Variants in PUM2 observed in about 807,000 individuals in gnomAD.
PUM2 encodes pumilio homolog 2.
A neutral mutation model predicts 124.5 loss-of-function variants in PUM2; 57 were observed. The ratio of observed to expected loss-of-function variants is 0.46; its 90% CI spans 0.37 to 0.57. The LOEUF (loss-of-function observed/expected upper bound fraction) is 0.57. Ranked by LOEUF, PUM2 falls within the 20% of genes least tolerant of loss-of-function variation. The probability of loss-of-function intolerance (pLI) is 0.00; values close to 1 mark genes in which losing one functional copy is unlikely to be tolerated. For missense variants in PUM2, 1,065 were observed against 1,290.6 expected (o/e 0.83, Z 2.68); for synonymous variants, 460 against 446.1 (o/e 1.03, Z -0.39).
chr2:20,337,473 T>G (rs1165133942), intron 1 of PUM2, among the ~76,000 whole-genome samples: 2 of 152,200 alleles, frequency 1.3e-5, no homozygotes. Flanking sequence ...TCACAATACT[T>G]ACTATTCTCT....
rs1339183455 is a variant in PUM2, at chr2:20,253,881, C to T, written c.3004G>A (p.Val1002Met). ...TMMKDQYANY[V>M]VQKMIDMAEP... Reference sequence around the variant, plus strand: ...GCCATATCAATCATCTTTTGAACCACGTAATTGGCATACTGGTCCTTCATC... The same window carrying T: ...GCCATATCAATCATCTTTTGAACCATGTAATTGGCATACTGGTCCTTCATC... The change falls in exon 20 of 21, where the codon GTG (valine) becomes ATG (methionine). Residue 1002 changes from valine to methionine, a missense_variant. Physicochemically the swap from Val to Met is conservative, Grantham distance 21. Coordinates refer to ENST00000361078, the MANE Select transcript of PUM2 (RefSeq NM_015317.5). The T allele has an allele frequency of 3.1e-6, 5 of 1,613,854 alleles. No homozygotes were observed. The highest frequency in any genetic ancestry group is 1.7e-5 in the Admixed American group (1 of 59,998).
intron 15 of PUM2, among the ~76,000 whole-genome samples, chr2:20,258,650 CTTTT>C (rs1057217780): frequency 4.3e-5 from 4 of 93,858 alleles, no homozygotes; most frequent in East Asian, 3.4e-4. Flanking sequence ...AACCCTTCAT[CTTTT>C]TTTTTTTTTT....
chr2:20,289,067 T>G (rs553580126), intron 10 of PUM2, among the ~76,000 whole-genome samples: 1 of 151,630 alleles, frequency 6.6e-6, no homozygotes, highest in Middle Eastern at 3.4e-3. Flanking sequence ...CCAAGGTGGG[T>G]GGATCATGAG....
intron 5 of PUM2, among the ~76,000 whole-genome samples, chr2:20,310,703 T>C (rs147662221): frequency 0.01 from 1,559 of 152,036 alleles, 23 homozygotes; most frequent in African/African-American, 0.035. Flanking sequence ...CCACCCACCA[T>C]ATACCTAATA....
chr2:20,279,314 A>G (rs549843742), intron 12 of PUM2, among the ~76,000 whole-genome samples: 1 of 152,294 alleles, frequency 6.6e-6, no homozygotes, highest in East Asian at 1.9e-4. Context: ...TGTTCAAAAC[A>G]TAGCCCTTTA....
Position 20,297,592 on chromosome 2 carries a change from A to T in PUM2, c.970T>A (p.Tyr324Asn). The T allele has an allele frequency of 6.2e-7, 1 of 1,613,224 alleles. No homozygotes were observed. The highest frequency in any genetic ancestry group is 8.5e-7 in the Non-Finnish European group (1 of 1,179,304). ...GCTGCAGCCAATCCTGCTGCAGTATACGGATCGGTCCCTGGAGGAGCAGCA... is the reference window on the plus strand; with the variant it reads ...GCTGCAGCCAATCCTGCTGCAGTATTCGGATCGGTCCCTGGAGGAGCAGCA... ...ISAAPPGTDP[Y>N]TAAGLAAAAT... Residue 324 changes from tyrosine to asparagine, a missense_variant, in exon 8 of 21, where the codon TAT (tyrosine) becomes AAT (asparagine). Around this residue, in one of 3 missense-constraint regions of PUM2, gnomAD observed 968 missense variants for 1,159.8 expected, o/e 0.83. Coordinates refer to ENST00000361078, the MANE Select transcript of PUM2 (RefSeq NM_015317.5).
chr2:20,311,790 G>T, intron 4 of PUM2, 127 bp from the exon 5 acceptor site: 2 of 1,081,322 alleles, frequency 1.8e-6, no homozygotes, highest in East Asian at 2.8e-5. Context: ...ATTTAATTTC[G>T]TAGTCAATTA....
chr2:20,308,689 G>T, intron 5 of PUM2, 105 bp from the exon 6 acceptor site: 1 of 1,140,346 alleles, frequency 8.8e-7, no homozygotes, highest in Non-Finnish European at 1.2e-6. Flanking sequence ...AAAACACAAT[G>T]AATAAGGCAT....
intron 5 of PUM2, among the ~76,000 whole-genome samples, chr2:20,308,927 G>C (rs1335578854): frequency 6.6e-6 from 1 of 152,112 alleles, no homozygotes; most frequent in Non-Finnish European, 1.5e-5. Context: ...ACAAAGAACA[G>C]TGTATTAACA....
At chr2:20,272,462 C>A (rs1240270298) in intron 13 of PUM2, among the ~76,000 whole-genome samples, 1 of 152,170 alleles carries the variant, frequency 6.6e-6, no homozygotes, top group Non-Finnish European at 1.5e-5. Context: ...ACTGGAGTGG[C>A]AACTTGGTCA....
chr2:20,293,244 C>T (rs946810245), intron 9 of PUM2, among the ~76,000 whole-genome samples: 4 of 152,182 alleles, frequency 2.6e-5, no homozygotes, highest in African/African-American at 4.8e-5. Context: ...AAGTGGGAGT[C>T]GTAAGTCCTT....
rs538322228 is a variant in PUM2, at chr2:20,256,895, C to A, written c.2485-725G>T. 7.5e-4 allele frequency among the ~76,000 whole-genome samples: 114 copies of A among 151,680 alleles called. 1 individual carries two copies. Among genetic ancestry groups the A allele is most frequent in the African/African-American group, 2.7e-3 (112 of 41,370 alleles). ...CGATTACTACCAAAAATACAAAAAA[C>A]TAGCCAGACGTGGTGGCGCATGTCT... is the stretch of plus-strand genomic sequence containing the variant. On this transcript the variant is annotated intron_variant, in intron 16 of 20. Coordinates refer to ENST00000361078, the MANE Select transcript of PUM2 (RefSeq NM_015317.5).
At chr2:20,254,141 T>C (rs538973251) in intron 19 of PUM2, 127 bp from the exon 20 acceptor site, 2 of 807,098 alleles carry the variant, frequency 2.5e-6, no homozygotes, top group Non-Finnish European at 3.8e-6. Context: ...TCTCTTGTCT[T>C]ATGATTACTT....
chr2:20,316,758 C>T (rs1047722799), intron 3 of PUM2, among the ~76,000 whole-genome samples: 1 of 152,116 alleles, frequency 6.6e-6, no homozygotes, highest in Non-Finnish European at 1.5e-5. Context: ...CACGGCCAGG[C>T]ATGGTGGCTC....
chr2:20,261,622 G>A (rs181780093), intron 14 of PUM2, among the ~76,000 whole-genome samples: 2 of 151,770 alleles, frequency 1.3e-5, no homozygotes, highest in Non-Finnish European at 2.9e-5. Flanking sequence ...CAGCTCCATA[G>A]GTGTTGCTGC....
intron 7 of PUM2, among the ~76,000 whole-genome samples, chr2:20,304,426 T>G (rs1300971463): frequency 1.3e-5 from 2 of 152,256 alleles, no homozygotes; most frequent in Admixed American, 6.5e-5. Context: ...AGAATAGTTT[T>G]AATATTTTTA....
chr2:20,329,761 C>T (rs1684503049), intron 1 of PUM2, among the ~76,000 whole-genome samples: 2 of 152,138 alleles, frequency 1.3e-5, no homozygotes. Flanking sequence ...ATGTTAAGTG[C>T]TCAAGTGCCT....
At chr2:20,349,517 TG>T (rs1428633698) in intron 1 of PUM2, among the ~76,000 whole-genome samples, 9 of 150,628 alleles carry the variant, frequency 6.0e-5, no homozygotes, top group Non-Finnish European at 1.0e-4. Context: ...TACTCATTTT[TG>T]TTTTTTTTTT....
chr2:20,264,326 C>T (rs1453269829), intron 13 of PUM2, among the ~76,000 whole-genome samples: 1 of 82,460 alleles, frequency 1.2e-5, no homozygotes, highest in Non-Finnish European at 2.1e-5. Flanking sequence ...GACACAGCAA[C>T]ACTCTGTCTC....
Sources: gnomAD v4.1 joint callset for allele counts (sites outside exome capture counted in the v4.1 genomes callset) on GRCh38, gnomAD v4.1.1 for gene constraint, gnomAD v4.1.1 regional missense constraint, MANE v1.5 for transcripts, NCBI Gene and HGNC (gene_info 2026-07-23, HGNC 2026-07-21) for gene names.